Variants in TSPAN31 observed in about 807,000 individuals in gnomAD.
TSPAN31 encodes the protein tetraspanin 31.
Under a neutral mutation model 24.8 loss-of-function variants are expected in TSPAN31, and 16 were observed. The ratio of observed to expected loss-of-function variants is 0.64; its 90% CI spans 0.44 to 0.98. The LOEUF (loss-of-function observed/expected upper bound fraction) is 0.98. Ranked by LOEUF, TSPAN31 falls within the 50% of genes least tolerant of loss-of-function variation. The pLI, the probability that TSPAN31 is intolerant of heterozygous loss-of-function variation, is 0.00. For synonymous variants in TSPAN31, 87 were observed against 91.4 expected (o/e 0.95, Z 0.27); for missense variants, 209 against 251.6 (o/e 0.83, Z 1.15).
Position 57,749,428 on chromosome 12 carries a change from C to G in TSPAN31, c.*2138C>G. 1 of 1,613,888 alleles carries G rather than the reference C, an allele frequency of 6.2e-7. No individual in the cohort carries two copies. On this transcript the variant is annotated 3_prime_UTR_variant, in exon 6 of 6. Transcript: ENST00000257910. ...AGAAAGAGGACTCAGAATAGAAAAT[C>G]TTTTTCTCCCATGTTGGTCACTTAC...
At position 57,749,321 on chromosome 12, in the gene TSPAN31, T is replaced by A. The variant is rs370609910; in HGVS notation, c.*2031T>A. 1.5e-4 allele frequency: 241 copies of A among 1,614,026 alleles called. No homozygotes were observed. Among genetic ancestry groups the A allele is most frequent in the Non-Finnish European group, 2.0e-4 (237 of 1,180,016 alleles). On this transcript the variant is annotated 3_prime_UTR_variant, in exon 6 of 6. Coordinates refer to ENST00000257910, the MANE Select transcript of TSPAN31 (RefSeq NM_005981.5). ...CTCTGGAGGCAGCCCAATCAGGCTG[T>A]GGGGGACAGGAGAACTCTGGTCAGG...
At chr12:57,745,466 A>C in intron 1 of TSPAN31, 1 of 595,988 alleles carries the variant, frequency 1.7e-6, no homozygotes, top group East Asian at 3.0e-5. Context: ...CTTCCTGTGA[A>C]CCTCAGTTTC....
Position 57,745,124 on chromosome 12 carries a change from T to C in TSPAN31, c.-31T>C, listed in dbSNP as rs1565802761. The C allele has an allele frequency of 7.0e-6, 11 of 1,579,362 alleles. No individual in the cohort carries two copies. Among genetic ancestry groups the C allele is most frequent in the Non-Finnish European group, 9.5e-6 (11 of 1,160,486 alleles). On this transcript the variant is annotated 5_prime_UTR_variant, in exon 1 of 6. Coordinates refer to ENST00000257910, the MANE Select transcript of TSPAN31 (RefSeq NM_005981.5). ...CCCCAATACCCTCCCCCCAAGTCCT[T>C]GGGACCACTTGGGTCCCCAGAGCTG...
In TSPAN31 at chr12:57,749,939, GTGAGCAGAGATCGCACTACTGCAC is replaced by G; in HGVS notation, c.*2651_*2674del. The G allele has an allele frequency of 3.8e-6, 1 of 261,758 alleles. No homozygotes were observed. Among genetic ancestry groups the G allele is most frequent in the Admixed American group, 5.0e-5 (1 of 19,852 alleles). 16.2% of individuals were successfully genotyped at this position (261,758 alleles called of 1,614,324 possible). A position where few individuals can be genotyped will look rare whatever the true frequency, so the allele number is the denominator to read the frequency against. ...TTGAATCTGGGAGGTGGAGGTTGCA[GTGAGCAGAGATCGCACTACTGCAC>G]TCCAGCCTGGCGACAGAGCAAGACT... On this transcript the variant is annotated 3_prime_UTR_variant, in exon 6 of 6. Transcript: ENST00000257910.
At position 57,748,857 on chromosome 12, in the gene TSPAN31, C is replaced by G. The variant is rs962894078; in HGVS notation, c.*1567C>G. ...AGTAGCTGAGATTACAGGCGTGTGC[C>G]ACCACCCCCGGCTTATTTTTGTACT... On this transcript the variant is annotated 3_prime_UTR_variant, in exon 6 of 6. Coordinates refer to ENST00000257910, the MANE Select transcript of TSPAN31 (RefSeq NM_005981.5). The G allele has an allele frequency of 2.5e-5, 14 of 554,440 alleles. No individual in the cohort carries two copies. In the African/African-American group the frequency reaches 2.6e-4, roughly 10 times the overall value. 34.3% of individuals were successfully genotyped at this position (554,440 alleles called of 1,614,324 possible).
At position 57,745,878 on chromosome 12, in the gene TSPAN31, G is replaced by C; in HGVS notation, c.197G>C (p.Gly66Ala). The C allele has an allele frequency of 6.2e-7, 1 of 1,611,664 alleles. No homozygotes were observed. The highest frequency in any genetic ancestry group is 8.5e-7 in the Non-Finnish European group (1 of 1,179,038). ...CTTATTGCAGTGGCTGGACTGGTGGGTGCTGTCAACCACCACCAAGTCCTG... is the reference window on the plus strand; with the variant it reads ...CTTATTGCAGTGGCTGGACTGGTGGCTGCTGTCAACCACCACCAAGTCCTG... ...LLLIAVAGLVGAVNHHQVLLF... is the reference protein window; with the variant it reads ...LLLIAVAGLVAAVNHHQVLLF... Residue 66 changes from glycine to alanine, a missense_variant, in exon 2 of 6, where the codon GGT (glycine) becomes GCT (alanine). Transcript: ENST00000257910.
At position 57,748,463 on chromosome 12, in the gene TSPAN31, C is replaced by T. The variant is rs2140380712; in HGVS notation, c.*1173C>T. ...CCTCAGAGATAAAGGCAAAGATTGCCCTCTCAGTGTCCAGAAGGGAAATGG... is the reference window on the plus strand; with the variant it reads ...CCTCAGAGATAAAGGCAAAGATTGCTCTCTCAGTGTCCAGAAGGGAAATGG... On this transcript the variant is annotated 3_prime_UTR_variant, in exon 6 of 6. Transcript: ENST00000257910. The T allele has an allele frequency of 8.4e-7, 1 of 1,188,640 alleles. No homozygotes were observed. Among genetic ancestry groups the T allele is most frequent in the Non-Finnish European group, 1.3e-6 (1 of 794,186 alleles). 73.6% of individuals were successfully genotyped at this position (1,188,640 alleles called of 1,614,324 possible).
rs1955198938 is a variant in TSPAN31, at chr12:57,749,152, T to C, written c.*1862T>C. The C allele has an allele frequency of 6.2e-7, 1 of 1,613,924 alleles. No homozygotes were observed. Among genetic ancestry groups the C allele is most frequent in the East Asian group, 2.2e-5 (1 of 44,894 alleles). ...TATTTCTTTCCCCAGTCTCTATTTCTTTCCCTGTGCCCACAGCCATCTCCA... is the reference window on the plus strand; with the variant it reads ...TATTTCTTTCCCCAGTCTCTATTTCCTTCCCTGTGCCCACAGCCATCTCCA... On this transcript the variant is annotated 3_prime_UTR_variant, in exon 6 of 6. Transcript: ENST00000257910.
chr12:57,745,129 C>T lies in TSPAN31; in HGVS notation c.-26C>T. The T allele has an allele frequency of 1.3e-6, 2 of 1,586,152 alleles. No homozygotes were observed. The highest frequency in any genetic ancestry group is 1.1e-5 in the South Asian group (1 of 87,230). On this transcript the variant is annotated 5_prime_UTR_variant, in exon 1 of 6. Coordinates refer to ENST00000257910, the MANE Select transcript of TSPAN31 (RefSeq NM_005981.5). Reference sequence around the variant, plus strand: ...ATACCCTCCCCCCAAGTCCTTGGGACCACTTGGGTCCCCAGAGCTGGGGAG... The same window carrying T: ...ATACCCTCCCCCCAAGTCCTTGGGATCACTTGGGTCCCCAGAGCTGGGGAG...
rs1395547378 is a variant in TSPAN31, at chr12:57,749,813, A to G, written c.*2523A>G. 1.2e-5 allele frequency: 5 copies of G among 427,968 alleles called. No individual in the cohort carries two copies. Among genetic ancestry groups the G allele is most frequent in the South Asian group, 9.0e-5 (4 of 44,684 alleles). 26.5% of individuals were successfully genotyped at this position (427,968 alleles called of 1,614,324 possible). The stretch of plus-strand genomic sequence containing the variant: ...AGAGATCGAGACCATCCTGGCCAAC[A>G]TGGTGAAACCCTGTCATTACTAAAA... On this transcript the variant is annotated 3_prime_UTR_variant, in exon 6 of 6. Transcript: ENST00000257910.
Position 57,749,606 on chromosome 12 carries a change from C to G in TSPAN31, c.*2316C>G. ...AAATAGGAAGTATAGGGAATAAAGG[C>G]CAACAATTCCAGCACTTTGGGATGC... On this transcript the variant is annotated 3_prime_UTR_variant, in exon 6 of 6. Transcript: ENST00000257910. The G allele has an allele frequency of 8.9e-7, 1 of 1,120,226 alleles. No homozygotes were observed. Among genetic ancestry groups the G allele is most frequent in the Non-Finnish European group, 1.3e-6 (1 of 746,230 alleles). 69.4% of individuals were successfully genotyped at this position (1,120,226 alleles called of 1,614,324 possible). A position where few individuals can be genotyped will look rare whatever the true frequency, so the allele number is the denominator to read the frequency against.
intron 5 of TSPAN31, 30 bp from the exon 6 acceptor site, chr12:57,747,186 A>ATACT: frequency 1.9e-6 from 3 of 1,612,574 alleles, no homozygotes; most frequent in Non-Finnish European, 1.7e-6. Context: ...GAATTAATTG[A>ATACT]TACTTATCTC....
intron 3 of TSPAN31, 75 bp downstream of exon 3, chr12:57,746,331 T>A (rs1955150219): frequency 1.4e-6 from 2 of 1,381,614 alleles, no homozygotes; most frequent in African/African-American, 1.4e-5. Context: ...TTCCTTAGTC[T>A]GGCCCCAACT....
Position 57,745,086 on chromosome 12 carries a change from C to T in TSPAN31, c.-69C>T. 1 of 1,442,890 alleles carries T rather than the reference C, an allele frequency of 6.9e-7. No individual in the cohort carries two copies. The highest frequency in any genetic ancestry group is 2.5e-5 in the East Asian group (1 of 40,646). The allele number at this position is 1,442,890 out of a possible 1,614,324, so 89.4% of individuals were successfully genotyped here. ...TTAAAGAGACAGAAGCTGTCGGGGTCCTGGAAGACGGTCCCCAATACCCTC... is the reference window on the plus strand; with the variant it reads ...TTAAAGAGACAGAAGCTGTCGGGGTTCTGGAAGACGGTCCCCAATACCCTC... On this transcript the variant is annotated 5_prime_UTR_variant, in exon 1 of 6. Coordinates refer to ENST00000257910, the MANE Select transcript of TSPAN31 (RefSeq NM_005981.5).
chr12:57,749,094 T>C lies in TSPAN31; in HGVS notation c.*1804T>C. ...AGCCCATCTACCAACCAAGTTTCAT[T>C]AACCACAGTGGCCAGGGCCCTGCAT... On this transcript the variant is annotated 3_prime_UTR_variant, in exon 6 of 6. Transcript: ENST00000257910. The C allele has an allele frequency of 2.0e-6, 3 of 1,534,414 alleles. No homozygotes were observed. In the South Asian group the frequency reaches 3.4e-5, roughly 17 times the overall value.
rs1328402722 is a variant in TSPAN31 at position 57,749,090 on chromosome 12, T to G, written c.*1800T>G. ...CTACAGCCCATCTACCAACCAAGTTTCATTAACCACAGTGGCCAGGGCCCT... is the reference window on the plus strand; with the variant it reads ...CTACAGCCCATCTACCAACCAAGTTGCATTAACCACAGTGGCCAGGGCCCT... On this transcript the variant is annotated 3_prime_UTR_variant, in exon 6 of 6. Coordinates refer to ENST00000257910, the MANE Select transcript of TSPAN31 (RefSeq NM_005981.5). The G allele has an allele frequency of 6.6e-7, 1 of 1,515,864 alleles. No individual in the cohort carries two copies. The highest frequency in any genetic ancestry group is 9.2e-7 in the Non-Finnish European group (1 of 1,090,642). The allele number at this position is 1,515,864 out of a possible 1,614,324, so 93.9% of individuals were successfully genotyped here.
chr12:57,747,386 AAAAGG>A lies in TSPAN31; in HGVS notation c.*102_*106del, dbSNP rs1423683114. The A allele has an allele frequency of 3.6e-6, 4 of 1,104,522 alleles. No homozygotes were observed. Among genetic ancestry groups the A allele is most frequent in the Middle Eastern group, 2.3e-4 (1 of 4,264 alleles). The allele number at this position is 1,104,522 out of a possible 1,614,324, so 68.4% of individuals were successfully genotyped here. ...GGTCTGTAACCGTTTTGGTTTGAGA[AAAAGG>A]AAAGGCCCCTTGTCACATCCTCTAA... On this transcript the variant is annotated 3_prime_UTR_variant, in exon 6 of 6. Transcript: ENST00000257910.
At position 57,747,288 on chromosome 12, in the gene TSPAN31, T is replaced by C; in HGVS notation, c.631T>C (p.Ter211ArgextTer6). The change falls in exon 6 of 6, where the codon TGA becomes CGA. Residue 211 changes from the stop codon to arginine, a stop_lost. Coordinates refer to ENST00000257910, the MANE Select transcript of TSPAN31 (RefSeq NM_005981.5). ...DPRANPSAFL[*>R] ...TAGAGCCAACCCCAGTGCCTTTCTA[T>C]GAGACTTTGGATCCTTCTGACTTTT... 1 of 1,613,688 alleles carries C rather than the reference T, an allele frequency of 6.2e-7. No individual in the cohort carries two copies. Among genetic ancestry groups the C allele is most frequent in the Admixed American group, 1.7e-5 (1 of 60,018 alleles).
chr12:57,746,739 G>A lies in TSPAN31; in HGVS notation c.444+19G>A. 1 of 1,613,910 alleles carries A rather than the reference G, an allele frequency of 6.2e-7. No individual in the cohort carries two copies. Among genetic ancestry groups the A allele is most frequent in the Non-Finnish European group, 8.5e-7 (1 of 1,179,876 alleles). On this transcript the variant is annotated intron_variant, in intron 4 of 5. Coordinates refer to ENST00000257910, the MANE Select transcript of TSPAN31 (RefSeq NM_005981.5). ...CACTGCAGTGAGTGTGTTGGGGGTGGTGCAGCAGCCAGGGGAGGTAGGAAA... is the reference window on the plus strand; with the variant it reads ...CACTGCAGTGAGTGTGTTGGGGGTGATGCAGCAGCCAGGGGAGGTAGGAAA...
Sources: gnomAD v4.1 joint callset for allele counts on GRCh38, gnomAD v4.1.1 for gene constraint, MANE v1.5 for transcripts, NCBI Gene and HGNC (gene_info 2026-07-23, HGNC 2026-07-21) for gene names.